SUSD4: variants seen among roughly 807,000 people sequenced by gnomAD.
The protein encoded by SUSD4 is sushi domain containing 4, also known as sushi domain-containing protein 4.
Under a neutral mutation model 50.5 loss-of-function variants are expected in SUSD4, and 41 were observed. That is an observed-to-expected ratio of 0.81 (90% CI 0.63 to 1.05). The LOEUF is 1.05. Among genes scored for constraint, SUSD4 ranks in the 50% least tolerant of loss-of-function variants. SUSD4 has a pLI of 0.00. For missense variants in SUSD4, 580 were observed against 634.7 expected (o/e 0.91, Z 0.93); for synonymous variants, 257 against 257.3 (o/e 1.00, Z 0.01).
chr1:223,297,252 A>G (rs1247099117), intron 2 of SUSD4, among the ~76,000 whole-genome samples: 1 of 152,208 alleles, frequency 6.6e-6, no homozygotes, highest in African/African-American at 2.4e-5. Context: ...GTATGTGTGG[A>G]CTGCTCTTTC....
intron 3 of SUSD4, among the ~76,000 whole-genome samples, chr1:223,279,546 G>T (rs886845930): frequency 6.6e-6 from 1 of 151,402 alleles, no homozygotes; most frequent in African/African-American, 2.4e-5. Context: ...AGAAAACAGG[G>T]TTAAAGAAAC....
intron 2 of SUSD4, among the ~76,000 whole-genome samples, chr1:223,340,649 G>A (rs553814576): frequency 5.3e-5 from 8 of 152,256 alleles, no homozygotes; most frequent in African/African-American, 1.9e-4. Context: ...GGGTTTAGAG[G>A]CTCCAGGCAA....
chr1:223,281,827 C>G (rs1337021957), intron 3 of SUSD4, among the ~76,000 whole-genome samples: 8 of 152,098 alleles, frequency 5.3e-5, no homozygotes, highest in Admixed American at 5.2e-4. Flanking sequence ...AACATCGATG[C>G]AAAAATCCTC....
chr1:223,260,593 A>G (rs1662041842), intron 5 of SUSD4, among the ~76,000 whole-genome samples: 1 of 152,204 alleles, frequency 6.6e-6, no homozygotes. Context: ...AGGGACACAC[A>G]GGGATGCAGG....
At chr1:223,253,758 G>A (rs983033970) in intron 5 of SUSD4, among the ~76,000 whole-genome samples, 1 of 152,162 alleles carries the variant, frequency 6.6e-6, no homozygotes, top group Admixed American at 6.5e-5. Context: ...ATCCTGCCTG[G>A]AGCAGGGATA....
At chr1:223,234,096 G>A (rs1161890652) in intron 5 of SUSD4, among the ~76,000 whole-genome samples, 1 of 152,186 alleles carries the variant, frequency 6.6e-6, no homozygotes, top group South Asian at 2.1e-4. Flanking sequence ...TTAGTCTCTT[G>A]TGGAACTTCC....
rs187077495 is a variant in SUSD4, at chr1:223,322,929, T to C, written c.149-30278A>G. Among the ~76,000 whole-genome samples the C allele has an allele frequency of 1.3e-4, 20 of 152,306 alleles. No individual in the cohort carries two copies. In the East Asian group the frequency reaches 3.9e-3, roughly 29 times the overall value. ...CCTTTACACAATTACAGCTAAGCCT[T>C]TCCCCAAGGAAGAAAAGCAGAGCAC... On this transcript the variant is annotated intron_variant, in intron 2 of 8. Transcript: ENST00000366878.
At chr1:223,287,141 T>C (rs1432229511) in intron 3 of SUSD4, among the ~76,000 whole-genome samples, 1 of 152,242 alleles carries the variant, frequency 6.6e-6, no homozygotes, top group African/African-American at 2.4e-5. Context: ...AGTGGCACGA[T>C]ATCGGTTCAC....
chr1:223,287,521 A>T (rs1571979535), intron 3 of SUSD4, among the ~76,000 whole-genome samples: 1 of 152,286 alleles, frequency 6.6e-6, no homozygotes, highest in East Asian at 1.9e-4. Context: ...CAGGCAGTTC[A>T]TTTTAAAAGC....
intron 5 of SUSD4, among the ~76,000 whole-genome samples, chr1:223,259,397 T>C (rs929816847): frequency 6.6e-6 from 1 of 152,156 alleles, no homozygotes; most frequent in African/African-American, 2.4e-5. Flanking sequence ...ACAGGAATCT[T>C]TAAGTGGATG....
chr1:223,359,201 T>G, intron 2 of SUSD4: 1 of 463,010 alleles, frequency 2.2e-6, no homozygotes, highest in South Asian at 1.6e-5. Flanking sequence ...GGTTCCCCAC[T>G]GCCTGCTGTG....
In SUSD4 at chr1:223,292,521, G is replaced by T. The variant is rs529890650; in HGVS notation, c.279C>A (p.Gly93=). The T allele has an allele frequency of 6.2e-7, 1 of 1,614,110 alleles. No individual in the cohort carries two copies. The highest frequency in any genetic ancestry group is 1.1e-5 in the South Asian group (1 of 91,082). Residue 93 remains glycine, a synonymous_variant, in exon 3 of 9, where the codon GGC becomes GGA. Coordinates refer to ENST00000366878, the MANE Select transcript of SUSD4 (RefSeq NM_017982.4). ...FHCQDGFKLK[G]ATKRLCLKHF... Reference sequence around the variant, plus strand: ...GCTTCAAACACAGTCTCTTTGTAGCGCCCTTCAGCTTGAATCCGTCTTGGC... The same window carrying T: ...GCTTCAAACACAGTCTCTTTGTAGCTCCCTTCAGCTTGAATCCGTCTTGGC...
chr1:223,252,184 G>A (rs1423165443), intron 5 of SUSD4, among the ~76,000 whole-genome samples: 5 of 145,646 alleles, frequency 3.4e-5, no homozygotes, highest in Admixed American at 7.0e-5. Context: ...AAACCTGCAC[G>A]TTGTGCACAT....
intron 5 of SUSD4, among the ~76,000 whole-genome samples, chr1:223,254,325 T>C (rs1661536874): frequency 6.6e-6 from 1 of 152,106 alleles, no homozygotes; most frequent in Non-Finnish European, 1.5e-5. Flanking sequence ...GGGAGAAGAA[T>C]CACCTCTCTT....
At chr1:223,273,478 G>A (rs1663053585) in intron 3 of SUSD4, among the ~76,000 whole-genome samples, 1 of 152,246 alleles carries the variant, frequency 6.6e-6, no homozygotes, top group Admixed American at 6.5e-5. Context: ...GTCTTTGTTT[G>A]TCTGGGGGCT....
intron 5 of SUSD4, chr1:223,263,567 T>C (rs1662271245): frequency 1.0e-6 from 1 of 984,840 alleles, no homozygotes; most frequent in Admixed American, 6.2e-5. Flanking sequence ...AGCCTAGGAG[T>C]ATGACAAAAC....
Position 223,278,753 on chromosome 1 carries a change from C to T in SUSD4, c.362-10078G>A, listed in dbSNP as rs568962268. 1.5e-3 allele frequency among the ~76,000 whole-genome samples: 232 copies of T among 152,250 alleles called. 1 individual carries two copies. Among genetic ancestry groups the T allele is most frequent in the African/African-American group, 5.1e-3 (212 of 41,552 alleles). ...CAGCACGGAGTTTGAGATCTGAGAACGGACAGACTGCCTCCTCAAGTGGGT... is the reference window on the plus strand; with the variant it reads ...CAGCACGGAGTTTGAGATCTGAGAATGGACAGACTGCCTCCTCAAGTGGGT... On this transcript the variant is annotated intron_variant, in intron 3 of 8. Transcript: ENST00000366878.
rs536078024 is a variant in SUSD4, at chr1:223,231,869, C to T, written c.725-2481G>A. 2.0e-5 allele frequency among the ~76,000 whole-genome samples: 3 copies of T among 152,298 alleles called. No homozygotes were observed. In the South Asian group the frequency reaches 6.2e-4, roughly 32 times the overall value. ...CAGCGCTGTTGTACGCTCAGGAGGC[C>T]GGCATCTTCTCTGGGACAGGAGCCC... is the stretch of plus-strand genomic sequence containing the variant. On this transcript the variant is annotated intron_variant, in intron 5 of 8. Transcript: ENST00000366878. The surrounding 1 kb of genome is among the most constrained non-coding windows in gnomAD (Gnocchi z 4.2).
intron 2 of SUSD4, among the ~76,000 whole-genome samples, chr1:223,340,270 T>C (rs1023840413): frequency 7.9e-5 from 12 of 152,166 alleles, no homozygotes; most frequent in African/African-American, 2.9e-4. Context: ...TCAGCTCTTG[T>C]GAAATTGGTC....
Sources: gnomAD v4.1 joint callset for allele counts (sites outside exome capture counted in the v4.1 genomes callset) on GRCh38, gnomAD v4.1.1 for gene constraint, Gnocchi (gnomAD v3.1) non-coding constraint, MANE v1.5 for transcripts, NCBI Gene and HGNC (gene_info 2026-07-23, HGNC 2026-07-21) for gene names.